Variants in RNF32 observed in about 807,000 individuals in gnomAD.
RNF32 encodes ring finger protein 32.
In RNF32, 36 loss-of-function variants were observed where a neutral mutation model predicts 41.0. The ratio of observed to expected loss-of-function variants is 0.88; its 90% CI spans 0.67 to 1.16. The LOEUF is 1.16. Ranked by LOEUF, RNF32 falls within the 50% of genes most tolerant of loss-of-function variation. The pLI is 0.00. For missense variants in RNF32, 413 were observed against 436.7 expected (o/e 0.95, Z 0.48); for synonymous variants, 154 against 160.9 (o/e 0.96, Z 0.32).
chr7:156,664,762 T>C (rs1215023238), intron 7 of RNF32, among the ~76,000 whole-genome samples: 2 of 152,222 alleles, frequency 1.3e-5, no homozygotes, highest in Non-Finnish European at 2.9e-5. Flanking sequence ...CAGATGCCTT[T>C]AGAAAAGACT....
At chr7:156,660,293 A>G in intron 7 of RNF32, 1 of 983,950 alleles carries the variant, frequency 1.0e-6, no homozygotes, top group Non-Finnish European at 1.2e-6. Context: ...CCTCTATTGT[A>G]TGTTTAAACA....
chr7:156,643,856 C>G lies in RNF32; in HGVS notation c.-22C>G. On this transcript the variant is annotated 5_prime_UTR_variant, in exon 2 of 9. Coordinates refer to ENST00000317955, the MANE Select transcript of RNF32 (RefSeq NM_030936.4). Reference sequence around the variant, plus strand: ...GATGATAGAATTTGTGATAGCCAAGCAACAACTTTTCCTAATTCGGCATGT... The same window carrying G: ...GATGATAGAATTTGTGATAGCCAAGGAACAACTTTTCCTAATTCGGCATGT... The G allele has an allele frequency of 1.2e-6, 2 of 1,610,478 alleles. No individual in the cohort carries two copies. The highest frequency in any genetic ancestry group is 1.7e-4 in the Middle Eastern group (1 of 6,056).
chr7:156,655,626 G>A (rs962475943), intron 4 of RNF32, among the ~76,000 whole-genome samples: 2 of 152,202 alleles, frequency 1.3e-5, no homozygotes, highest in Non-Finnish European at 2.9e-5. Context: ...CAGCAAGAAA[G>A]CTCACAACAG....
intron 7 of RNF32, among the ~76,000 whole-genome samples, chr7:156,671,362 CTATAA>C (rs1220884355): frequency 6.6e-6 from 1 of 152,106 alleles, no homozygotes; most frequent in African/African-American, 2.4e-5. Context: ...ATTATATGTA[CTATAA>C]TATACACATA....
intron 7 of RNF32, among the ~76,000 whole-genome samples, chr7:156,663,511 A>G (rs919282393): frequency 3.9e-5 from 6 of 152,222 alleles, no homozygotes; most frequent in African/African-American, 1.4e-4. Context: ...ATGAGTAAAA[A>G]TGTCCACTTA....
At position 156,658,119 on chromosome 7, in the gene RNF32, T is replaced by A; in HGVS notation, c.451-9T>A. 1 of 1,607,410 alleles carries A rather than the reference T, an allele frequency of 6.2e-7. No homozygotes were observed. Among genetic ancestry groups the A allele is most frequent in the South Asian group, 1.1e-5 (1 of 89,996 alleles). On this transcript the variant is annotated splice_polypyrimidine_tract_variant and intron_variant, in intron 5 of 8. Coordinates refer to ENST00000317955, the MANE Select transcript of RNF32 (RefSeq NM_030936.4). ...CTTGTAAAATTTTAAGTGAAATGTT[T>A]TTCTTCAGGCATGTCTTCAGGCTTT...
rs1315177245 is a variant in RNF32 at position 156,670,983 on chromosome 7, A to G, written c.685-4713A>G. Among the ~76,000 whole-genome samples, 1 of 152,228 alleles carries G rather than the reference A, an allele frequency of 6.6e-6. No homozygotes were observed. The highest frequency in any genetic ancestry group is 2.4e-5 in the African/African-American group (1 of 41,454). On this transcript the variant is annotated intron_variant, in intron 7 of 8. Coordinates refer to ENST00000317955, the MANE Select transcript of RNF32 (RefSeq NM_030936.4). This position sits in a 1 kb window ranked among gnomAD's most constrained non-coding sequence, Gnocchi z 4.3. Reference sequence around the variant, plus strand: ...TAAAAGAGAGAGAGAGCTTATGACAAAAATAACATAAAGCAGGAGAGGAAA... The same window carrying G: ...TAAAAGAGAGAGAGAGCTTATGACAGAAATAACATAAAGCAGGAGAGGAAA...
intron 1 of RNF32, among the ~76,000 whole-genome samples, chr7:156,641,478 T>TTA (rs1797305358): frequency 6.6e-6 from 1 of 152,230 alleles, no homozygotes; most frequent in Non-Finnish European, 1.5e-5. Flanking sequence ...CGCAGGCTCA[T>TTA]TATATATTGA....
intron 3 of RNF32, chr7:156,646,614 C>T: frequency 1.4e-6 from 1 of 714,886 alleles, no homozygotes; most frequent in Middle Eastern, 3.4e-4. Context: ...AAGTATGTCC[C>T]TGATAGGGGA....
intron 7 of RNF32, chr7:156,660,174 C>T (rs1800414438): frequency 4.1e-6 from 4 of 985,524 alleles, no homozygotes; most frequent in Non-Finnish European, 3.6e-6. Flanking sequence ...TCTTGCCCGC[C>T]CCCGCATGTC....
chr7:156,657,609 CAT>C (rs1370746994), intron 5 of RNF32, 36 bp downstream of exon 5: 10 of 1,606,836 alleles, frequency 6.2e-6, no homozygotes, highest in Non-Finnish European at 8.5e-6. Flanking sequence ...AGGTGCTGCA[CAT>C]GTCGCTCTCA....
At chr7:156,662,390 C>T (rs1800778300) in intron 7 of RNF32, among the ~76,000 whole-genome samples, 1 of 152,112 alleles carries the variant, frequency 6.6e-6, no homozygotes. Flanking sequence ...TTCACATTAC[C>T]CAGGTGTGAT....
chr7:156,652,787 A>G (rs1422877385), intron 3 of RNF32, among the ~76,000 whole-genome samples: 1 of 152,156 alleles, frequency 6.6e-6, no homozygotes, highest in Non-Finnish European at 1.5e-5. Flanking sequence ...TGAGCATGGT[A>G]TTGTGTGCCT....
chr7:156,649,702 G>T (rs1471280388), intron 3 of RNF32, among the ~76,000 whole-genome samples: 1 of 152,048 alleles, frequency 6.6e-6, no homozygotes, highest in Non-Finnish European at 1.5e-5. Context: ...CCTTGAGTTT[G>T]TTTGTGCCGT....
intron 7 of RNF32, among the ~76,000 whole-genome samples, chr7:156,665,751 T>TAG (rs1298494626): frequency 1.3e-5 from 2 of 152,218 alleles, no homozygotes; most frequent in Non-Finnish European, 2.9e-5. Context: ...TTCAGTCTTC[T>TAG]AGACTCTGCT....
chr7:156,675,654 C>G (rs557440504), intron 7 of RNF32, 42 bp from the exon 8 acceptor site: 3 of 1,575,786 alleles, frequency 1.9e-6, no homozygotes, highest in Non-Finnish European at 2.6e-6. Flanking sequence ...CAACCTCCAC[C>G]GAGCTCAGGT....
At chr7:156,664,020 C>G (rs575319688) in intron 7 of RNF32, among the ~76,000 whole-genome samples, 3 of 152,158 alleles carry the variant, frequency 2.0e-5, no homozygotes, top group African/African-American at 7.2e-5. Context: ...GGGGAGATAA[C>G]GAGGGAACAG....
At chr7:156,661,937 C>T (rs149489816) in intron 7 of RNF32, among the ~76,000 whole-genome samples, 141 of 152,288 alleles carry the variant, frequency 9.3e-4, no homozygotes, top group African/African-American at 3.3e-3. Context: ...TATACATATA[C>T]GCACACACAC....
intron 7 of RNF32, among the ~76,000 whole-genome samples, chr7:156,671,157 A>G (rs1802403780): frequency 6.6e-6 from 1 of 152,194 alleles, no homozygotes; most frequent in Non-Finnish European, 1.5e-5. Flanking sequence ...TGAATAGAAA[A>G]CTTTAATTGA....
Sources: allele counts gnomAD v4.1 joint callset (sites outside exome capture counted in the v4.1 genomes callset), GRCh38; gene constraint gnomAD v4.1.1; non-coding constraint Gnocchi (gnomAD v3.1); transcripts MANE v1.5; gene names NCBI Gene and HGNC (gene_info 2026-07-23, HGNC 2026-07-21).